Variants in SLC66A2 observed in about 807,000 individuals in gnomAD.
SLC66A2 encodes the protein PQ loop repeat containing 1.
Under a neutral mutation model 25.5 loss-of-function variants are expected in SLC66A2, and 23 were observed. That is an observed-to-expected ratio of 0.90 (90% CI 0.65 to 1.28). The LOEUF (loss-of-function observed/expected upper bound fraction) is 1.28, where lower values mean the gene tolerates loss of function less well. Ranked by LOEUF, SLC66A2 falls within the 50% of genes most tolerant of loss-of-function variation. The pLI is 0.00. For synonymous variants in SLC66A2, 193 were observed against 166.5 expected, an observed-to-expected ratio of 1.16 and a Z score of -1.23; for missense variants, 396 against 373.1, an observed-to-expected ratio of 1.06 and a Z score of -0.51.
chr18:79,942,231 CAG>C (rs1476226721), intron 3 of SLC66A2, among the ~76,000 whole-genome samples: 1 of 152,198 alleles, frequency 6.6e-6, no homozygotes, highest in African/African-American at 2.4e-5. Context: ...GGGAACAGAG[CAG>C]AGACTCAGAG....
At chr18:79,947,515 G>A (rs1329840590) in intron 2 of SLC66A2, among the ~76,000 whole-genome samples, 1 of 18,300 alleles carries the variant, frequency 5.5e-5, no homozygotes, top group East Asian at 3.4e-3. Context: ...CTTTGGAGGC[G>A]TGAAGATTCG....
In SLC66A2 at chr18:79,933,715, T is replaced by C. The variant is rs1477393519; in HGVS notation, c.391+254A>G. The stretch of plus-strand genomic sequence containing the variant: ...TTGTCATCTAAATTTTTCTCCTCCC[T>C]TCCTGTCTCCCTCCTGCTTCCCCTT... On this transcript the variant is annotated intron_variant, in intron 4 of 5. Coordinates refer to ENST00000397778, the MANE Select transcript of SLC66A2 (RefSeq NM_025078.5). Among the ~76,000 whole-genome samples, 4 of 152,228 alleles carry C rather than the reference T, an allele frequency of 2.6e-5. No individual in the cohort carries two copies. The East Asian group carries it at 7.7e-4, about 29-fold the overall frequency.
At chr18:79,930,575 C>CAAA (rs890905477) in intron 4 of SLC66A2, among the ~76,000 whole-genome samples, 3 of 152,174 alleles carry the variant, frequency 2.0e-5, no homozygotes, top group Non-Finnish European at 4.4e-5. Flanking sequence ...CTTCTCCTTT[C>CAAA]CTCTCTTAGT....
At chr18:79,930,644 A>C (rs1240284177) in intron 4 of SLC66A2, among the ~76,000 whole-genome samples, 1 of 152,196 alleles carries the variant, frequency 6.6e-6, no homozygotes, top group South Asian at 2.1e-4. Flanking sequence ...GGCCTTTAAC[A>C]TAAAGAAATG....
intron 3 of SLC66A2, among the ~76,000 whole-genome samples, chr18:79,934,867 A>G (rs1449075195): frequency 1.3e-5 from 2 of 152,268 alleles, no homozygotes; most frequent in Non-Finnish European, 1.5e-5. Context: ...AAAAGCAAAT[A>G]CGAGGTGACC....
intron 5 of SLC66A2, chr18:79,915,623 G>A (rs969798592): frequency 6.6e-6 from 1 of 152,240 alleles, no homozygotes; most frequent in Non-Finnish European, 1.5e-5. Flanking sequence ...CCTCCCGGCA[G>A]GGACAGAGGC....
At position 79,916,247 on chromosome 18, in the gene SLC66A2, T is replaced by C. The variant is rs1224138989; in HGVS notation, c.608+2937A>G. Among the ~76,000 whole-genome samples the C allele has an allele frequency of 1.3e-4, 6 of 46,470 alleles. 1 individual carries two copies. The highest frequency in any genetic ancestry group is 2.5e-3 in the South Asian group (2 of 800). 30.5% of individuals were successfully genotyped at this position (46,470 alleles called of 152,430 possible). ...ACCTGCGGCACTCCCGTACCCGTGG[T>C]GCTCTCATAGCCGCAGTGCTCCCGT... On this transcript the variant is annotated intron_variant, in intron 5 of 5. Transcript: ENST00000397778.
chr18:79,907,827 A>T, intron 5 of SLC66A2, among the ~76,000 whole-genome samples: 1 of 152,060 alleles, frequency 6.6e-6, no homozygotes, highest in Non-Finnish European at 1.5e-5. Context: ...GCTGTTAAAC[A>T]TCCTATAATA....
chr18:79,911,037 C>T (rs749545487), intron 5 of SLC66A2, among the ~76,000 whole-genome samples: 13 of 152,262 alleles, frequency 8.5e-5, no homozygotes, highest in Non-Finnish European at 1.5e-4. Context: ...ACCCACACCA[C>T]GGCCTCAGGT....
rs892022781 is a variant in SLC66A2, at chr18:79,904,819, G to C, written c.609-636C>G. Among the ~76,000 whole-genome samples, 2 of 152,228 alleles carry C rather than the reference G, an allele frequency of 1.3e-5. No homozygotes were observed. Among genetic ancestry groups the C allele is most frequent in the Admixed American group, 1.3e-4 (2 of 15,290 alleles). On this transcript the variant is annotated intron_variant, in intron 5 of 5. Coordinates refer to ENST00000397778, the MANE Select transcript of SLC66A2 (RefSeq NM_025078.5). The surrounding 1 kb of genome is among the most constrained non-coding windows in gnomAD (Gnocchi z 6.3). ...CTGTGTTCATGCCCTGGCTTGCCTA[G>C]CAGTGAACATGAGTGCTGCTGCACT...
intron 2 of SLC66A2, among the ~76,000 whole-genome samples, chr18:79,945,962 C>T (rs555822800): frequency 1.2e-4 from 19 of 152,346 alleles, no homozygotes; most frequent in African/African-American, 4.6e-4. Flanking sequence ...CACACGGAGG[C>T]CACTTCACAC....
chr18:79,923,476 T>C (rs937017515), intron 4 of SLC66A2, among the ~76,000 whole-genome samples: 1 of 152,144 alleles, frequency 6.6e-6, no homozygotes, highest in Non-Finnish European at 1.5e-5. Context: ...AGACCTATTT[T>C]AGTTTCCCCA....
Position 79,904,543 on chromosome 18 carries a change from G to A in SLC66A2, c.609-360C>T, listed in dbSNP as rs1981761378. On this transcript the variant is annotated intron_variant, in intron 5 of 5. Transcript: ENST00000397778. This position sits in a 1 kb window ranked among gnomAD's most constrained non-coding sequence, Gnocchi z 6.3. ...ACAGTGAGACCAGCTCGAGGCTACAGGGGACAGCAGGGCGAGCAGCTGACG... is the reference window on the plus strand; with the variant it reads ...ACAGTGAGACCAGCTCGAGGCTACAAGGGACAGCAGGGCGAGCAGCTGACG... Among the ~76,000 whole-genome samples the A allele has an allele frequency of 6.6e-6, 1 of 152,142 alleles. No individual in the cohort carries two copies. The highest frequency in any genetic ancestry group is 2.4e-5 in the African/African-American group (1 of 41,430).
chr18:79,934,423 G>A (rs1000384184), intron 3 of SLC66A2, among the ~76,000 whole-genome samples: 6 of 152,174 alleles, frequency 3.9e-5, no homozygotes, highest in South Asian at 2.1e-4. Context: ...TGCAAGCTGC[G>A]GCTGCAATAT....
intron 2 of SLC66A2, chr18:79,945,353 G>C (rs1248417904): frequency 6.6e-6 from 1 of 152,514 alleles, no homozygotes; most frequent in Non-Finnish European, 1.5e-5. Flanking sequence ...AGTAGCCTGG[G>C]CCTGGGGCAG....
chr18:79,948,514 A>C (rs575843409), intron 2 of SLC66A2, among the ~76,000 whole-genome samples: 7 of 152,188 alleles, frequency 4.6e-5, no homozygotes, highest in Non-Finnish European at 8.8e-5. Context: ...CTAATGTTTC[A>C]ATTTTTTGTA....
chr18:79,941,235 C>T lies in SLC66A2; in HGVS notation c.337+2094G>A, dbSNP rs541639094. On this transcript the variant is annotated intron_variant, in intron 3 of 5. Coordinates refer to ENST00000397778, the MANE Select transcript of SLC66A2 (RefSeq NM_025078.5). The surrounding 1 kb of genome is among the most constrained non-coding windows in gnomAD (Gnocchi z 4.1). ...GGGGGCTCTGCTGCCTGTAAAGCGACGGCCGACCCATGGCAGAGAGCCAGG... is the reference window on the plus strand; with the variant it reads ...GGGGGCTCTGCTGCCTGTAAAGCGATGGCCGACCCATGGCAGAGAGCCAGG... 2.6e-5 allele frequency among the ~76,000 whole-genome samples: 4 copies of T among 152,326 alleles called. No individual in the cohort carries two copies. The South Asian group carries it at 6.2e-4, about 24-fold the overall frequency.
At chr18:79,944,674 G>A (rs930173106) in intron 2 of SLC66A2, 1 of 152,478 alleles carries the variant, frequency 6.6e-6, no homozygotes, top group African/African-American at 2.4e-5. Context: ...TCAGCCTGCA[G>A]TTTGGCCTGA....
chr18:79,928,879 G>A (rs908106872), intron 4 of SLC66A2, among the ~76,000 whole-genome samples: 1 of 152,108 alleles, frequency 6.6e-6, no homozygotes, highest in Non-Finnish European at 1.5e-5. Context: ...CACTGGGAGA[G>A]GTTCCACACA....
Sources: gnomAD v4.1 joint callset for allele counts (sites outside exome capture counted in the v4.1 genomes callset) on GRCh38, gnomAD v4.1.1 for gene constraint, Gnocchi (gnomAD v3.1) non-coding constraint, MANE v1.5 for transcripts, NCBI Gene and HGNC (gene_info 2026-07-23, HGNC 2026-07-21) for gene names.